GRM8: variants seen among roughly 807,000 people sequenced by gnomAD.
The protein encoded by GRM8 is glutamate metabotropic receptor 8.
Under a neutral mutation model 87.2 loss-of-function variants are expected in GRM8, and 47 were observed. That is an observed-to-expected ratio of 0.54 (90% confidence interval 0.43 to 0.69). The LOEUF (loss-of-function observed/expected upper bound fraction) is 0.69. GRM8 is among the 30% of genes least tolerant of loss of function. The pLI, the probability that GRM8 is intolerant of heterozygous loss-of-function variation, is 0.00. For synonymous variants in GRM8, 396 were observed against 404.5 expected, an observed-to-expected ratio of 0.98 and a Z score of 0.25; for missense variants, 1,019 against 1,139.2, an observed-to-expected ratio of 0.89 and a Z score of 1.52.
chr7:127,239,970 G>A (rs917361618), intron 2 of GRM8, among the ~76,000 whole-genome samples: 3 of 152,128 alleles, frequency 2.0e-5, no homozygotes, highest in Admixed American at 1.3e-4. Flanking sequence ...CCAGTGAACC[G>A]ATCATGTTAG....
intron 6 of GRM8, among the ~76,000 whole-genome samples, chr7:126,837,316 T>G (rs1003548578): frequency 1.3e-5 from 2 of 152,230 alleles, no homozygotes; most frequent in Non-Finnish European, 2.9e-5. Context: ...TGCTACCATG[T>G]TACATAAAAA....
chr7:127,174,060 C>G (rs1203716225), intron 2 of GRM8, among the ~76,000 whole-genome samples: 1 of 152,144 alleles, frequency 6.6e-6, no homozygotes, highest in Non-Finnish European at 1.5e-5. Context: ...GAAACATTCA[C>G]AGCAACACAC....
At chr7:127,124,081 T>C (rs1827231450) in intron 2 of GRM8, among the ~76,000 whole-genome samples, 1 of 152,120 alleles carries the variant, frequency 6.6e-6, no homozygotes, top group South Asian at 2.1e-4. Context: ...CTCAAGCCTC[T>C]CCAATTCAAA....
chr7:127,031,847 C>A (rs1817404039), intron 3 of GRM8, among the ~76,000 whole-genome samples: 1 of 152,078 alleles, frequency 6.6e-6, no homozygotes, highest in South Asian at 2.1e-4. Flanking sequence ...TGCAGAACTC[C>A]ACCATTTCCA....
At chr7:126,825,258 G>A (rs1347731547) in intron 6 of GRM8, among the ~76,000 whole-genome samples, 1 of 152,076 alleles carries the variant, frequency 6.6e-6, no homozygotes, top group Non-Finnish European at 1.5e-5. Context: ...AGTAGAGACA[G>A]GGTTTCACCA....
chr7:126,546,348 T>G (rs1236667718), intron 8 of GRM8, among the ~76,000 whole-genome samples: 1 of 152,168 alleles, frequency 6.6e-6, no homozygotes, highest in Non-Finnish European at 1.5e-5. Context: ...TTTTACTGTC[T>G]CTCCTCAATG....
intron 7 of GRM8, among the ~76,000 whole-genome samples, chr7:126,719,384 A>C (rs913810450): frequency 6.6e-6 from 1 of 152,232 alleles, no homozygotes; most frequent in Non-Finnish European, 1.5e-5. Flanking sequence ...ATGTTTACTC[A>C]ATAAAGTATT....
Position 126,446,322 on chromosome 7 carries a change from T to G in GRM8, c.2481A>C (p.Ser827=). 1.2e-6 allele frequency: 2 copies of G among 1,610,468 alleles called. No homozygotes were observed. The highest frequency in any genetic ancestry group is 2.2e-5 in the East Asian group (1 of 44,652). The change falls in exon 10 of 11, where the codon TCA becomes TCC. Residue 827 remains serine (S), a synonymous_variant. Coordinates refer to ENST00000339582, the MANE Select transcript of GRM8 (RefSeq NM_000845.3). ...GCATATAGAGCATGCCCAGAGATAC[T>G]GAAGCACTTAAACTCATGGAGACAG... ...TLTVSMSLSA[S]VSLGMLYMPK...
intron 3 of GRM8, among the ~76,000 whole-genome samples, chr7:126,917,396 CACAT>C (rs767210350): frequency 6.6e-6 from 1 of 151,982 alleles, no homozygotes; most frequent in East Asian, 1.9e-4. Context: ...CACACACACA[CACAT>C]GGACACGCAC....
chr7:126,548,702 A>G (rs143019343), intron 8 of GRM8, among the ~76,000 whole-genome samples: 132 of 152,288 alleles, frequency 8.7e-4, no homozygotes, highest in East Asian at 5.0e-3. Flanking sequence ...AAACAAACAT[A>G]GCAGAAAAGT....
rs1244208813 is a variant in GRM8, at chr7:126,549,568, A to G, written c.1495-15681T>C. 2.0e-5 allele frequency among the ~76,000 whole-genome samples: 3 copies of G among 152,322 alleles called. 1 individual carries two copies. In the East Asian group the frequency reaches 5.8e-4, roughly 29 times the overall value. Reference sequence around the variant, plus strand: ...AAATGGTTGTAGTTTATGTTTATACATATATTTCTAGTTATTCTGCCACAA... The same window carrying G: ...AAATGGTTGTAGTTTATGTTTATACGTATATTTCTAGTTATTCTGCCACAA... On this transcript the variant is annotated intron_variant, in intron 8 of 10. Transcript: ENST00000339582.
chr7:126,995,089 C>T (rs983516794), intron 3 of GRM8, among the ~76,000 whole-genome samples: 2 of 152,180 alleles, frequency 1.3e-5, no homozygotes, highest in Non-Finnish European at 2.9e-5. Flanking sequence ...CAGAAGATAA[C>T]GAGAATTTCT....
intron 8 of GRM8, among the ~76,000 whole-genome samples, chr7:126,554,707 ATAGT>A (rs1327493748): frequency 2.0e-5 from 3 of 152,270 alleles, no homozygotes; most frequent in African/African-American, 7.2e-5. Context: ...GATAGAAAGT[ATAGT>A]TAAACAAAAT....
At chr7:126,455,820 G>A (rs1803163301) in intron 9 of GRM8, among the ~76,000 whole-genome samples, 1 of 151,534 alleles carries the variant, frequency 6.6e-6, no homozygotes, top group African/African-American at 2.4e-5. Context: ...AATACAGCAG[G>A]CAGGCGAAGG....
At chr7:126,479,728 G>A (rs1296566804) in intron 9 of GRM8, among the ~76,000 whole-genome samples, 1 of 140,342 alleles carries the variant, frequency 7.1e-6, no homozygotes, top group Non-Finnish European at 1.5e-5. Flanking sequence ...TTATCGTGGA[G>A]ATGACAGAGA....
At chr7:126,851,222 C>A (rs1334134951) in intron 6 of GRM8, among the ~76,000 whole-genome samples, 2 of 152,134 alleles carry the variant, frequency 1.3e-5, no homozygotes, top group Admixed American at 1.3e-4. Flanking sequence ...GATGGCTGCA[C>A]TTACGAAATG....
intron 3 of GRM8, among the ~76,000 whole-genome samples, chr7:127,081,829 G>T (rs1214234924): frequency 6.6e-5 from 10 of 152,212 alleles, no homozygotes; most frequent in Admixed American, 6.5e-4. Context: ...AGGAGGTAAA[G>T]GTGCAGAGAG....
At chr7:126,904,863 GACA>G (rs1172370926) in intron 3 of GRM8, among the ~76,000 whole-genome samples, 180 bp from the exon 4 acceptor site, 1 of 152,142 alleles carries the variant, frequency 6.6e-6, no homozygotes, top group Non-Finnish European at 1.5e-5. Context: ...CCAAATAAAT[GACA>G]ACAATTATTA....
At chr7:126,985,032 AAC>A (rs1563381854) in intron 3 of GRM8, among the ~76,000 whole-genome samples, 1 of 151,712 alleles carries the variant, frequency 6.6e-6, no homozygotes. Context: ...ACACACACAC[AAC>A]ACACACACAC....
Sources: allele counts gnomAD v4.1 joint callset (sites outside exome capture counted in the v4.1 genomes callset), GRCh38; gene constraint gnomAD v4.1.1; transcripts MANE v1.5; gene names NCBI Gene and HGNC (gene_info 2026-07-23, HGNC 2026-07-21).